Variants in PCDH11X observed in about 807,000 individuals in gnomAD.
PCDH11X encodes protocadherin-11 X-linked.
PCDH11X carries 18 observed loss-of-function variants against 53.3 expected under a neutral mutation model. The ratio of observed to expected loss-of-function variants is 0.34; its 90% CI spans 0.23 to 0.50. The LOEUF is 0.50. PCDH11X is among the 20% of genes least tolerant of loss of function. The pLI, the probability that PCDH11X is intolerant of heterozygous loss-of-function variation, is 0.98. For missense variants in PCDH11X, 570 were observed against 1,032.4 expected (o/e 0.55, Z 6.14); for synonymous variants, 279 against 393.3 (o/e 0.71, Z 3.44).
At chrX:91,856,618 C>T (rs979242767) in intron 5 of PCDH11X, among the ~76,000 whole-genome samples, 1 of 110,734 alleles carries the variant, frequency 9.0e-6, no homozygotes, top group Non-Finnish European at 1.9e-5. Flanking sequence ...CCTTCCCTAA[C>T]TGGCCTCAGT....
chrX:92,216,511 A>T (rs751729592), intron 7 of PCDH11X, among the ~76,000 whole-genome samples: 13 of 106,202 alleles, frequency 1.2e-4, no homozygotes, highest in East Asian at 5.9e-4. Flanking sequence ...AAAAAAGAAT[A>T]AAAAAAAACG....
chrX:92,602,270 A>T (rs1926314937), intron 10 of PCDH11X, among the ~76,000 whole-genome samples: 1 of 111,956 alleles, frequency 8.9e-6, no homozygotes, highest in Admixed American at 9.5e-5. Context: ...GTAAGGCAAT[A>T]AGAAGAAGCC....
Position 91,835,618 on chromosome X carries a change from C to A in PCDH11X, c.114C>A (p.Val38=). Residue 38 remains valine, a synonymous_variant, in exon 5 of 11, where the codon GTC becomes GTA. Transcript: ENST00000682573. ...YTIREEMPEN[V]LIGDLLKDLN... is the part of the protein sequence containing the mutation. ...TCCGAGAAGAAATGCCAGAAAACGT[C>A]CTGATAGGCGACTTGTTGAAAGACC... 1 of 1,211,039 alleles carries A rather than the reference C, an allele frequency of 8.3e-7. No individual in the cohort carries two copies. Among genetic ancestry groups the A allele is most frequent in the Non-Finnish European group, 1.1e-6 (1 of 895,381 alleles).
At chrX:92,020,094 C>G (rs1311675654) in intron 6 of PCDH11X, among the ~76,000 whole-genome samples, 2 of 112,573 alleles carry the variant, frequency 1.8e-5, no homozygotes. Context: ...TGAGCCCATG[C>G]CACCAGGGCC....
chrX:92,448,680 A>G (rs185689307), intron 9 of PCDH11X, among the ~76,000 whole-genome samples: 2,683 of 105,527 alleles, frequency 0.025, 79 homozygotes, highest in East Asian at 0.087. Context: ...ATAACTAAAG[A>G]GACTGAGCAT....
intron 6 of PCDH11X, among the ~76,000 whole-genome samples, chrX:92,108,145 T>C (rs1390740089): frequency 8.9e-6 from 1 of 111,994 alleles, no homozygotes; most frequent in Non-Finnish European, 1.9e-5. Context: ...TGGTTCAAAA[T>C]GCAGATTTCC....
chrX:92,214,494 G>A (rs1300640079), intron 7 of PCDH11X, among the ~76,000 whole-genome samples: 5 of 111,386 alleles, frequency 4.5e-5, no homozygotes, highest in Non-Finnish European at 7.5e-5. Flanking sequence ...TGTAACTTGG[G>A]GGTATTTGTA....
intron 7 of PCDH11X, among the ~76,000 whole-genome samples, chrX:92,207,518 C>T (rs984490248): frequency 1.8e-5 from 2 of 111,439 alleles, no homozygotes; most frequent in Non-Finnish European, 3.8e-5. Context: ...CATTGAATGG[C>T]AATTGCCCTG....
intron 10 of PCDH11X, among the ~76,000 whole-genome samples, chrX:92,612,537 T>A (rs943411073): frequency 9.0e-6 from 1 of 110,527 alleles, no homozygotes; most frequent in African/African-American, 3.3e-5. Flanking sequence ...CAATAGTTTG[T>A]ATGATTTCAA....
At chrX:92,562,034 G>A (rs1395140411) in intron 10 of PCDH11X, among the ~76,000 whole-genome samples, 2 of 104,909 alleles carry the variant, frequency 1.9e-5, no homozygotes, top group African/African-American at 6.9e-5. Context: ...CAGTCATGCA[G>A]GTTGTACAGA....
At chrX:92,306,598 A>T (rs1244896503) in intron 8 of PCDH11X, among the ~76,000 whole-genome samples, 1 of 108,657 alleles carries the variant, frequency 9.2e-6, no homozygotes, top group Non-Finnish European at 1.9e-5. Flanking sequence ...AAATAGCACT[A>T]TAATTGTAAA....
intron 9 of PCDH11X, among the ~76,000 whole-genome samples, chrX:92,412,505 AATAGTATATATATATAT>A (rs1319183803): frequency 1.6e-5 from 1 of 63,251 alleles, no homozygotes; most frequent in African/African-American, 5.4e-5. Flanking sequence ...AAATAAAGAA[AATAGTATATATATATAT>A]ATATATATAT....
rs781537207 is a variant in PCDH11X at position 92,304,063 on chromosome X, A to G, written c.3144+40920A>G. On this transcript the variant is annotated intron_variant, in intron 8 of 10. Transcript: ENST00000682573. The stretch of plus-strand genomic sequence containing the variant: ...AGAATATTTAAAGATAAATCAAAAG[A>G]ACACTGTTTTATTCCTGTGTTATGT... Among the ~76,000 whole-genome samples the G allele has an allele frequency of 1.1e-3, 118 of 107,447 alleles. 1 individual carries two copies. The highest frequency in any genetic ancestry group is 3.8e-3 in the African/African-American group (112 of 29,251). 93.3% of individuals were successfully genotyped at this position (107,447 alleles called of 115,157 possible).
chrX:92,014,699 G>C (rs941580315), intron 6 of PCDH11X, among the ~76,000 whole-genome samples: 1 of 112,056 alleles, frequency 8.9e-6, no homozygotes, highest in African/African-American at 3.3e-5. Flanking sequence ...GGAATACTAT[G>C]CAGCCATAAA....
intron 4 of PCDH11X, among the ~76,000 whole-genome samples, chrX:91,824,306 G>T (rs1472287138): frequency 1.8e-5 from 2 of 110,327 alleles, no homozygotes; most frequent in Non-Finnish European, 3.8e-5. Context: ...TCACTTTCAG[G>T]TACACCAATC....
chrX:92,540,638 G>A (rs919085325), intron 10 of PCDH11X, among the ~76,000 whole-genome samples: 27 of 104,849 alleles, frequency 2.6e-4, no homozygotes, highest in African/African-American at 8.7e-4. Flanking sequence ...GTCTTTCACT[G>A]TAGCCAGCAC....
rs1556447960 is a variant in PCDH11X at position 92,490,722 on chromosome X, A to AAGAG, written c.3367+22403_3367+22404insGAGA. Among the ~76,000 whole-genome samples the AAGAG allele has an allele frequency of 7.6e-3, 718 of 94,977 alleles. 7 individuals carry two copies. The highest frequency in any genetic ancestry group is 0.027 in the African/African-American group (698 of 25,610). The allele number at this position is 94,977 out of a possible 115,157, so 82.5% of individuals were successfully genotyped here. A position where few individuals can be genotyped will look rare whatever the true frequency, so the allele number is the denominator to read the frequency against. ...GTTCTAAGAGAAAAAGAAAGAAAGA[A>AAGAG]AGAAAGAGAGAAAGAGAGAAAGAGA... On this transcript the variant is annotated intron_variant, in intron 10 of 10. Coordinates refer to ENST00000682573, the MANE Select transcript of PCDH11X (RefSeq NM_032968.5).
intron 1 of PCDH11X, among the ~76,000 whole-genome samples, chrX:91,780,107 G>A (rs1336606964): frequency 8.9e-6 from 1 of 111,890 alleles, no homozygotes; most frequent in Non-Finnish European, 1.9e-5. Context: ...AGACTCGCCC[G>A]GCTGAGAGAT....
At chrX:91,840,089 A>G (rs1364996077) in intron 5 of PCDH11X, among the ~76,000 whole-genome samples, 7 of 111,310 alleles carry the variant, frequency 6.3e-5, no homozygotes, top group Non-Finnish European at 1.1e-4. Context: ...TTTCACAAAT[A>G]GAAACATCCC....
Sources: gnomAD v4.1 joint callset for allele counts (sites outside exome capture counted in the v4.1 genomes callset) on GRCh38, gnomAD v4.1.1 for gene constraint, MANE v1.5 for transcripts, NCBI Gene and HGNC (gene_info 2026-07-23, HGNC 2026-07-21) for gene names.